DLGAP2: variants seen among roughly 807,000 people sequenced by gnomAD.
DLGAP2 encodes DLG associated protein 2, also known as disks large-associated protein 2.
DLGAP2 carries 26 observed loss-of-function variants against 100.3 expected under a neutral mutation model. That is an observed-to-expected ratio of 0.26 (90% CI 0.19 to 0.36). The LOEUF (loss-of-function observed/expected upper bound fraction) is 0.36. Ranked by LOEUF, DLGAP2 falls within the 10% of genes least tolerant of loss-of-function variation. The pLI is 1.00. For missense variants in DLGAP2, 1,858 were observed against 1,453.2 expected (o/e 1.28, Z -4.53); for synonymous variants, 886 against 630.1 (o/e 1.41, Z -6.08).
chr8:871,323 C>A (rs1324369381), intron 1 of DLGAP2, among the ~76,000 whole-genome samples: 1 of 152,198 alleles, frequency 6.6e-6, no homozygotes, highest in Non-Finnish European at 1.5e-5. Flanking sequence ...TGGATGGAAC[C>A]TTTATCACCT....
At chr8:776,094 G>A (rs1420840150) in intron 1 of DLGAP2, among the ~76,000 whole-genome samples, 1 of 151,206 alleles carries the variant, frequency 6.6e-6, no homozygotes, top group African/African-American at 2.4e-5. Context: ...TGTATGTGTT[G>A]AGGAATTTAT....
intron 2 of DLGAP2, among the ~76,000 whole-genome samples, chr8:1,098,909 A>G (rs1804490182): frequency 6.6e-6 from 1 of 152,182 alleles, no homozygotes. Context: ...AAATCACAGA[A>G]CGACTTTGCT....
intron 3 of DLGAP2, among the ~76,000 whole-genome samples, chr8:1,338,606 C>T (rs910226255): frequency 1.3e-5 from 2 of 152,184 alleles, no homozygotes; most frequent in Non-Finnish European, 2.9e-5. Flanking sequence ...AGTTGTAAAC[C>T]TTGAAAGAGT....
At chr8:1,478,720 T>G (rs1293889429) in intron 3 of DLGAP2, among the ~76,000 whole-genome samples, 1 of 151,876 alleles carries the variant, frequency 6.6e-6, no homozygotes, top group Non-Finnish European at 1.5e-5. Context: ...GACATGGCAT[T>G]TGGATGGCAG....
chr8:823,925 T>G (rs1275442343), intron 1 of DLGAP2, among the ~76,000 whole-genome samples: 1 of 152,196 alleles, frequency 6.6e-6, no homozygotes. Flanking sequence ...CAGCTATCCC[T>G]TATACGATGG....
intron 1 of DLGAP2, among the ~76,000 whole-genome samples, chr8:744,183 G>A (rs966725279): frequency 6.6e-6 from 1 of 152,102 alleles, no homozygotes; most frequent in Admixed American, 6.6e-5. Context: ...AGAAGTGCTC[G>A]TTCGCTCAGC....
At chr8:1,629,860 G>A (rs1412527484) in intron 7 of DLGAP2, among the ~76,000 whole-genome samples, 6 of 152,138 alleles carry the variant, frequency 3.9e-5, no homozygotes, top group Non-Finnish European at 7.3e-5. Context: ...TTTGCGACTC[G>A]TCGTCCTGTT....
chr8:910,708 G>A (rs899660094), intron 2 of DLGAP2: 11 of 152,212 alleles, frequency 7.2e-5, no homozygotes, highest in African/African-American at 2.4e-4. Context: ...GGAAGTTGGA[G>A]TGACTCAGGG....
rs1193890195 is a variant in DLGAP2 at position 1,377,387 on chromosome 8, A to T, written c.106+118504A>T. On this transcript the variant is annotated intron_variant, in intron 3 of 14. Coordinates refer to ENST00000637795, the MANE Select transcript of DLGAP2 (RefSeq NM_001346810.2). ...GTGAAACCCCGTCTCTACAGAAAAT[A>T]CAAAAAATTAGCCAGGCGAGGTGGC... Among the ~76,000 whole-genome samples, 3 of 152,190 alleles carry T rather than the reference A, an allele frequency of 2.0e-5. No individual in the cohort carries two copies. The East Asian group carries it at 5.8e-4, about 29-fold the overall frequency.
chr8:1,213,665 A>T (rs188524949), intron 2 of DLGAP2, among the ~76,000 whole-genome samples: 8 of 152,272 alleles, frequency 5.3e-5, no homozygotes, highest in African/African-American at 1.7e-4. Flanking sequence ...GCTCTGATCC[A>T]GGTTAAATGG....
intron 3 of DLGAP2, among the ~76,000 whole-genome samples, chr8:1,460,753 G>A (rs764420278): frequency 2.6e-5 from 4 of 152,178 alleles, no homozygotes; most frequent in Non-Finnish European, 5.9e-5. Flanking sequence ...CTTTGGGTTG[G>A]AATCAAGAGT....
At chr8:1,422,750 G>T (rs1303986867) in intron 3 of DLGAP2, among the ~76,000 whole-genome samples, 1 of 152,128 alleles carries the variant, frequency 6.6e-6, no homozygotes. Context: ...CAGGATTGGG[G>T]GTGGGGGAAT....
intron 3 of DLGAP2, among the ~76,000 whole-genome samples, chr8:1,370,685 C>T (rs907594020): frequency 4.6e-5 from 7 of 152,234 alleles, no homozygotes; most frequent in African/African-American, 1.4e-4. Context: ...TTCCTGGGAT[C>T]ACCCCAGACA....
At chr8:1,337,210 G>C (rs955679229) in intron 3 of DLGAP2, among the ~76,000 whole-genome samples, 1 of 138,010 alleles carries the variant, frequency 7.2e-6, no homozygotes, top group African/African-American at 2.9e-5. Context: ...TGATGATGGT[G>C]ATGATGATGA....
Position 932,069 on chromosome 8 carries a change from G to C in DLGAP2, c.73+24103G>C, listed in dbSNP as rs139610573. On this transcript the variant is annotated intron_variant, in intron 2 of 14. Transcript: ENST00000637795. ...CTAGGAAATATTGCAGCACAAACAT[G>C]TACTGTAAGACCTCGTGGCATTCCT... 2.6e-3 allele frequency among the ~76,000 whole-genome samples: 398 copies of C among 152,324 alleles called. 1 individual carries two copies. The highest frequency in any genetic ancestry group is 4.5e-3 in the Non-Finnish European group (303 of 68,032).
At chr8:974,498 C>T (rs1800113073) in intron 2 of DLGAP2, among the ~76,000 whole-genome samples, 1 of 152,134 alleles carries the variant, frequency 6.6e-6, no homozygotes, top group Admixed American at 6.5e-5. Flanking sequence ...ATATTCTGGG[C>T]TATAAAACAC....
At chr8:1,366,786 G>A (rs879764102) in intron 3 of DLGAP2, among the ~76,000 whole-genome samples, 2 of 152,192 alleles carry the variant, frequency 1.3e-5, no homozygotes, top group East Asian at 1.9e-4. Flanking sequence ...CCCGCAGCAC[G>A]TTTGCTCAGA....
chr8:1,603,398 G>C (rs1018463214), intron 6 of DLGAP2, among the ~76,000 whole-genome samples: 1 of 151,358 alleles, frequency 6.6e-6, no homozygotes, highest in Non-Finnish European at 1.5e-5. Context: ...GTTCTGTAGA[G>C]GCTGGTTAGA....
chr8:1,128,739 G>A (rs534503883), intron 2 of DLGAP2, among the ~76,000 whole-genome samples: 2 of 152,324 alleles, frequency 1.3e-5, no homozygotes, highest in East Asian at 3.9e-4. Flanking sequence ...AAATATTGAA[G>A]CATAGAACTT....
Sources: allele counts gnomAD v4.1 joint callset (sites outside exome capture counted in the v4.1 genomes callset), GRCh38; gene constraint gnomAD v4.1.1; transcripts MANE v1.5; gene names NCBI Gene and HGNC (gene_info 2026-07-23, HGNC 2026-07-21).